RIMS2: variants seen among roughly 807,000 people sequenced by gnomAD.
The protein encoded by RIMS2 is regulating synaptic membrane exocytosis protein 2.
RIMS2 carries 59 observed loss-of-function variants against 174.4 expected under a neutral mutation model. The observed-to-expected ratio is 0.34, with a 90% CI of 0.27 to 0.42. The LOEUF (loss-of-function observed/expected upper bound fraction) is 0.42. Ranked by LOEUF, RIMS2 falls within the 10% of genes least tolerant of loss-of-function variation. The probability of loss-of-function intolerance (pLI) is 1.00; values close to 1 mark genes in which losing one functional copy is unlikely to be tolerated. For synonymous variants in RIMS2, 606 were observed against 572.5 expected (o/e 1.06, Z -0.84); for missense variants, 1,620 against 1,666.3 (o/e 0.97, Z 0.48).
At chr8:103,614,492 T>C (rs1445560456) in intron 1 of RIMS2, among the ~76,000 whole-genome samples, 1 of 152,262 alleles carries the variant, frequency 6.6e-6, no homozygotes, top group East Asian at 1.9e-4. Context: ...TTAAAGCCAG[T>C]TACTGTGATT....
intron 19 of RIMS2, among the ~76,000 whole-genome samples, chr8:104,071,071 C>T (rs994212947): frequency 2.6e-5 from 4 of 152,078 alleles, no homozygotes; most frequent in Non-Finnish European, 5.9e-5. Context: ...ACAATAAAGA[C>T]AAGTTTCTTA....
intron 19 of RIMS2, among the ~76,000 whole-genome samples, chr8:104,138,025 A>G (rs181398801): frequency 7.8e-4 from 119 of 152,282 alleles, no homozygotes; most frequent in Non-Finnish European, 1.5e-3. Context: ...GCTCCTGCAA[A>G]TAAGTGAAAA....
chr8:104,134,436 G>A (rs2098501599), intron 19 of RIMS2, among the ~76,000 whole-genome samples: 1 of 152,242 alleles, frequency 6.6e-6, no homozygotes, highest in Admixed American at 6.5e-5. Flanking sequence ...CTGCACTCCA[G>A]CCAGGGTGAC....
chr8:104,150,198 A>G lies in RIMS2; in HGVS notation c.3335-94718A>G, dbSNP rs543220620. On this transcript the variant is annotated intron_variant, in intron 19 of 23. Coordinates refer to ENST00000504942, the Ensembl canonical transcript of RIMS2. The stretch of plus-strand genomic sequence containing the variant: ...TCAATCTAAAACTTCTCTAAAAAAT[A>G]AAGTCTACTAATTTTTTTTAAATTA... Among the ~76,000 whole-genome samples, 5 of 152,304 alleles carry G rather than the reference A, an allele frequency of 3.3e-5. No homozygotes were observed. In the South Asian group the frequency reaches 1.0e-3, roughly 32 times the overall value.
chr8:103,694,334 G>A (rs1453284326), intron 1 of RIMS2, among the ~76,000 whole-genome samples: 2 of 152,080 alleles, frequency 1.3e-5, no homozygotes, highest in Non-Finnish European at 2.9e-5. Context: ...AGGGCTACAG[G>A]GGCTGGTCTT....
chr8:103,989,543 T>A, intron 17 of RIMS2, 122 bp downstream of exon 19: 1 of 543,966 alleles, frequency 1.8e-6, no homozygotes, highest in Non-Finnish European at 3.2e-6. Context: ...TGTTTTTCTC[T>A]TACAACGCTT....
chr8:104,244,804 G>T, intron 19 of RIMS2, 112 bp from the exon 26 acceptor site: 1 of 783,776 alleles, frequency 1.3e-6, no homozygotes, highest in Non-Finnish European at 2.1e-6. Context: ...CTTAACAAGA[G>T]CACTTTTTAT....
intron 19 of RIMS2, among the ~76,000 whole-genome samples, chr8:104,115,982 A>G (rs1416919637): frequency 6.6e-6 from 1 of 152,188 alleles, no homozygotes; most frequent in Non-Finnish European, 1.5e-5. Context: ...TACAGTAGTA[A>G]TTGTTGGAAT....
chr8:103,513,125 A>G (rs1827348501), intron 1 of RIMS2, among the ~76,000 whole-genome samples: 1 of 152,192 alleles, frequency 6.6e-6, no homozygotes, highest in Non-Finnish European at 1.5e-5. Context: ...CCCAGAATGT[A>G]TGGGCTTGGA....
chr8:103,713,962 T>C (rs902675869), intron 2 of RIMS2, among the ~76,000 whole-genome samples: 1 of 152,198 alleles, frequency 6.6e-6, no homozygotes, highest in African/African-American at 2.4e-5. Context: ...CCACAATTCT[T>C]ACCCACTTGA....
chr8:103,589,360 A>G (rs1012827930), intron 1 of RIMS2, among the ~76,000 whole-genome samples: 25 of 151,714 alleles, frequency 1.6e-4, no homozygotes, highest in African/African-American at 6.0e-4. Flanking sequence ...GAGAAATGCA[A>G]ATGAAAACTA....
chr8:104,197,945 G>A (rs1362064843), intron 19 of RIMS2, among the ~76,000 whole-genome samples: 1 of 151,436 alleles, frequency 6.6e-6, no homozygotes. Context: ...TAGGATGTGA[G>A]CTCTCTAAAA....
At chr8:104,039,923 C>T (rs1244055591) in intron 19 of RIMS2, among the ~76,000 whole-genome samples, 2 of 151,392 alleles carry the variant, frequency 1.3e-5, no homozygotes, top group African/African-American at 4.8e-5. Context: ...GATTTAATGT[C>T]TTATTTTCAA....
intron 12 of RIMS2, among the ~76,000 whole-genome samples, chr8:103,934,761 G>A (rs1040224014): frequency 6.7e-6 from 1 of 149,958 alleles, no homozygotes; most frequent in African/African-American, 2.5e-5. Context: ...GCAATGGCAC[G>A]ATCTCGGCTC....
intron 1 of RIMS2, among the ~76,000 whole-genome samples, chr8:103,605,545 C>A (rs1381300789): frequency 1.3e-5 from 2 of 151,368 alleles, no homozygotes; most frequent in Non-Finnish European, 2.9e-5. Flanking sequence ...CCCTCTTTTT[C>A]TATTGATTGG....
intron 4 of RIMS2, among the ~76,000 whole-genome samples, chr8:103,888,110 T>C (rs2099216856): frequency 6.6e-6 from 1 of 151,442 alleles, no homozygotes; most frequent in African/African-American, 2.4e-5. Flanking sequence ...AATGTGATAC[T>C]GATAGAAAAT....
intron 8 of RIMS2, 145 bp downstream of exon 11, chr8:103,916,682 C>T: frequency 5.1e-6 from 3 of 586,020 alleles, no homozygotes; most frequent in Non-Finnish European, 8.6e-6. Flanking sequence ...AACAAAAGCA[C>T]CACACCAAAA....
chr8:104,225,920 C>T (rs1399370671), intron 19 of RIMS2, among the ~76,000 whole-genome samples: 2 of 152,176 alleles, frequency 1.3e-5, no homozygotes, highest in South Asian at 2.1e-4. Context: ...TTTGATTTTG[C>T]GATTCTCTTA....
chr8:103,673,575 C>A (rs1387079618), intron 1 of RIMS2, among the ~76,000 whole-genome samples: 1 of 152,180 alleles, frequency 6.6e-6, no homozygotes, highest in East Asian at 1.9e-4. Flanking sequence ...CCTCTTTGAG[C>A]CCCAGCTGTA....
Sources: gnomAD v4.1 joint callset for allele counts (sites outside exome capture counted in the v4.1 genomes callset) on GRCh38, gnomAD v4.1.1 for gene constraint, MANE v1.5 for transcripts, NCBI Gene and HGNC (gene_info 2026-07-23, HGNC 2026-07-21) for gene names.